Variants in TM9SF3 observed in about 807,000 individuals in gnomAD.
The protein encoded by TM9SF3 is SM-11044-binding protein.
In TM9SF3, 14 loss-of-function variants were observed where a neutral mutation model predicts 78.6. The observed-to-expected ratio is 0.18, with a 90% CI of 0.12 to 0.28. The LOEUF is 0.28. TM9SF3 is among the 10% of genes least tolerant of loss of function. TM9SF3 has a pLI of 1.00. For synonymous variants in TM9SF3, 231 were observed against 241.7 expected (o/e 0.96, Z 0.41); for missense variants, 496 against 721.9 (o/e 0.69, Z 3.59).
chr10:96,553,654 T>A (rs982406608), intron 5 of TM9SF3, among the ~76,000 whole-genome samples: 8 of 152,312 alleles, frequency 5.3e-5, no homozygotes, highest in Admixed American at 3.9e-4. Context: ...TTGCTCCAGA[T>A]TAGTTCATCC....
intron 1 of TM9SF3, among the ~76,000 whole-genome samples, chr10:96,577,902 T>C (rs377315292): frequency 1.4e-4 from 22 of 151,826 alleles, no homozygotes; most frequent in African/African-American, 5.3e-4. Context: ...TTATCTCCAG[T>C]CCTCCATCTA....
intron 6 of TM9SF3, 137 bp downstream of exon 6, chr10:96,552,791 A>T (rs1848189980): frequency 6.2e-6 from 5 of 801,258 alleles, no homozygotes; most frequent in Non-Finnish European, 8.6e-6. Flanking sequence ...GGCATTTTAC[A>T]TCTTTCTTAA....
rs1024838910 is a variant in TM9SF3, at chr10:96,544,842, G to A, written c.1055-636C>T. ...AGACAGGGCAAAAAAAAAATTAAAC[G>A]TGAAATAATAAAAAACAAAAAACCC... is the stretch of plus-strand genomic sequence containing the variant. On this transcript the variant is annotated intron_variant, in intron 8 of 14. Coordinates refer to ENST00000371142, the MANE Select transcript of TM9SF3 (RefSeq NM_020123.4). 9.9e-5 allele frequency among the ~76,000 whole-genome samples: 15 copies of A among 151,808 alleles called. No individual in the cohort carries two copies. The East Asian group carries it at 1.5e-3, about 16-fold the overall frequency.
intron 3 of TM9SF3, among the ~76,000 whole-genome samples, chr10:96,563,739 AAG>A (rs1364935684): frequency 2.0e-5 from 3 of 152,216 alleles, no homozygotes; most frequent in Non-Finnish European, 2.9e-5. Context: ...TTTGGGGGTA[AAG>A]ACATAATTAT....
chr10:96,532,014 T>A (rs2134131845), intron 10 of TM9SF3, among the ~76,000 whole-genome samples: 1 of 152,080 alleles, frequency 6.6e-6, no homozygotes, highest in South Asian at 2.1e-4. Context: ...ATCGAGACCA[T>A]CCTGGCTAAC....
chr10:96,560,955 C>G (rs1404022686), intron 4 of TM9SF3: 1 of 472,518 alleles, frequency 2.1e-6, no homozygotes, highest in Non-Finnish European at 3.9e-6. Flanking sequence ...GTAAATTAAG[C>G]CCAAAGATGG....
chr10:96,539,218 C>T (rs775247158), intron 9 of TM9SF3, among the ~76,000 whole-genome samples: 6 of 152,118 alleles, frequency 3.9e-5, no homozygotes, highest in African/African-American at 1.4e-4. Flanking sequence ...TACCTGTAAT[C>T]GCAGCACTTT....
At chr10:96,552,613 A>T (rs926488135) in intron 6 of TM9SF3, among the ~76,000 whole-genome samples, 2 of 152,216 alleles carry the variant, frequency 1.3e-5, no homozygotes, top group Non-Finnish European at 2.9e-5. Flanking sequence ...CCTGAATTTT[A>T]AGCAGTATTT....
At chr10:96,574,969 C>T (rs1432381346) in intron 2 of TM9SF3, among the ~76,000 whole-genome samples, 4 of 151,882 alleles carry the variant, frequency 2.6e-5, no homozygotes, top group African/African-American at 9.7e-5. Flanking sequence ...AAATACCAAA[C>T]GTAGGTGACG....
Position 96,586,880 on chromosome 10 carries a change from C to CCCGCCGCCGCCTCCTCCG in TM9SF3, c.-63_-46dup, listed in dbSNP as rs1412397099. 7 of 952,438 alleles carry CCCGCCGCCGCCTCCTCCG rather than the reference C, an allele frequency of 7.3e-6. No homozygotes were observed. Among genetic ancestry groups the CCCGCCGCCGCCTCCTCCG allele is most frequent in the South Asian group, 4.9e-5 (1 of 20,370 alleles). 59.0% of individuals were successfully genotyped at this position (952,438 alleles called of 1,614,324 possible). On this transcript the variant is annotated 5_prime_UTR_variant, in exon 1 of 15. Transcript: ENST00000371142. ...CGGAGCCGGCTCACCGACTCCTCCT[C>CCCGCCGCCGCCTCCTCCG]CCGCCGCCGCCTCCTCCGCCGCCGC...
chr10:96,523,803 T>C (rs969594532), intron 14 of TM9SF3, among the ~76,000 whole-genome samples: 2 of 151,900 alleles, frequency 1.3e-5, no homozygotes, highest in Non-Finnish European at 2.9e-5. Context: ...AGAGAGAATA[T>C]CTATAGACTA....
At chr10:96,551,735 T>C (rs764699062) in intron 6 of TM9SF3, among the ~76,000 whole-genome samples, 1 of 152,194 alleles carries the variant, frequency 6.6e-6, no homozygotes, top group Non-Finnish European at 1.5e-5. Context: ...CAGACACTAT[T>C]CTTGCTATTC....
intron 4 of TM9SF3, chr10:96,560,666 AGATGAT>A (rs762007864): frequency 1.5e-5 from 9 of 610,748 alleles, no homozygotes; most frequent in Admixed American, 7.6e-5. Context: ...CTGCTGATGA[AGATGAT>A]GATGATGATG....
At chr10:96,537,675 T>C (rs917557054) in intron 9 of TM9SF3, among the ~76,000 whole-genome samples, 12 of 152,062 alleles carry the variant, frequency 7.9e-5, no homozygotes, top group Non-Finnish European at 5.9e-5. Flanking sequence ...TCTATAAAAA[T>C]ACAAAAATTA....
chr10:96,534,164 T>C (rs1193360235), intron 9 of TM9SF3, among the ~76,000 whole-genome samples: 3 of 152,184 alleles, frequency 2.0e-5, no homozygotes, highest in Admixed American at 1.3e-4. Context: ...GAACCAATAT[T>C]AGTAAAAATT....
intron 5 of TM9SF3, among the ~76,000 whole-genome samples, chr10:96,559,162 T>C (rs1172074605): frequency 1.3e-5 from 2 of 152,220 alleles, no homozygotes; most frequent in Non-Finnish European, 2.9e-5. Flanking sequence ...CATTACCTCC[T>C]TCTGATGCAT....
intron 14 of TM9SF3, among the ~76,000 whole-genome samples, 198 bp downstream of exon 14, chr10:96,527,015 A>T (rs1250916020): frequency 6.6e-6 from 1 of 152,142 alleles, no homozygotes; most frequent in Non-Finnish European, 1.5e-5. Flanking sequence ...AATTACTAGA[A>T]TTTCTATAAA....
chr10:96,526,120 C>CTA (rs1847835629), intron 14 of TM9SF3, among the ~76,000 whole-genome samples: 1 of 152,108 alleles, frequency 6.6e-6, no homozygotes, highest in Non-Finnish European at 1.5e-5. Context: ...GGTATTATTT[C>CTA]TATTTTGCAA....
intron 5 of TM9SF3, among the ~76,000 whole-genome samples, chr10:96,557,225 A>G (rs1173082520): frequency 6.6e-6 from 1 of 152,142 alleles, no homozygotes; most frequent in Non-Finnish European, 1.5e-5. Context: ...GCCGGTCAAT[A>G]TCTCCATTTG....
Sources: gnomAD v4.1 joint callset for allele counts (sites outside exome capture counted in the v4.1 genomes callset) on GRCh38, gnomAD v4.1.1 for gene constraint, MANE v1.5 for transcripts, NCBI Gene and HGNC (gene_info 2026-07-23, HGNC 2026-07-21) for gene names.